Variants in NELL1 observed in about 807,000 individuals in gnomAD.
NELL1 encodes the protein protein kinase C-binding protein NELL1.
Under a neutral mutation model 107.4 loss-of-function variants are expected in NELL1, and 76 were observed. The ratio of observed to expected loss-of-function variants is 0.71; its 90% confidence interval spans 0.59 to 0.86. The LOEUF (loss-of-function observed/expected upper bound fraction) is 0.86, where lower values mean the gene tolerates loss of function less well. Ranked by LOEUF, NELL1 falls within the 40% of genes least tolerant of loss-of-function variation. The pLI is 0.00. For missense variants in NELL1, 1,024 were observed against 1,005.5 expected, an observed-to-expected ratio of 1.02 and a Z score of -0.25; for synonymous variants, 353 against 341.2, an observed-to-expected ratio of 1.03 and a Z score of -0.38.
At chr11:20,867,842 G>C (rs182857472) in intron 4 of NELL1, among the ~76,000 whole-genome samples, 1 of 152,194 alleles carries the variant, frequency 6.6e-6, no homozygotes, top group South Asian at 2.1e-4. Context: ...AATATTCGTT[G>C]GTTGCTTGGC....
chr11:21,485,431 TGCA>T (rs1310455755), intron 15 of NELL1, among the ~76,000 whole-genome samples: 1 of 150,242 alleles, frequency 6.7e-6, no homozygotes, highest in Non-Finnish European at 1.5e-5. Context: ...CCTCCAATCC[TGCA>T]CCAGTCCAAG....
At chr11:21,183,409 G>A (rs559006127) in intron 13 of NELL1, among the ~76,000 whole-genome samples, 1 of 151,914 alleles carries the variant, frequency 6.6e-6, no homozygotes, top group African/African-American at 2.4e-5. Flanking sequence ...TCTATTCATA[G>A]GGTCAGCTGA....
intron 3 of NELL1, among the ~76,000 whole-genome samples, chr11:20,809,604 T>C (rs781545076): frequency 7.2e-5 from 11 of 152,206 alleles, no homozygotes; most frequent in Non-Finnish European, 1.2e-4. Flanking sequence ...AGATTCTACA[T>C]GTAAGTGAGA....
At chr11:20,834,574 G>A (rs1025838227) in intron 3 of NELL1, among the ~76,000 whole-genome samples, 28 of 151,984 alleles carry the variant, frequency 1.8e-4, no homozygotes, top group African/African-American at 6.8e-4. Flanking sequence ...GTGGTGGCGG[G>A]CACCTGTAGT....
intron 15 of NELL1, among the ~76,000 whole-genome samples, chr11:21,479,980 G>A (rs1381109881): frequency 1.3e-5 from 2 of 152,010 alleles, no homozygotes; most frequent in Non-Finnish European, 2.9e-5. Context: ...CTGTGACTCT[G>A]CTCTACTTTC....
intron 15 of NELL1, among the ~76,000 whole-genome samples, chr11:21,468,857 C>G (rs1170401842): frequency 6.6e-6 from 1 of 151,972 alleles, no homozygotes; most frequent in Non-Finnish European, 1.5e-5. Flanking sequence ...AGTAGACAGG[C>G]CACACTTAAG....
At chr11:21,462,734 AG>A in intron 15 of NELL1, among the ~76,000 whole-genome samples, 1 of 152,158 alleles carries the variant, frequency 6.6e-6, no homozygotes, top group African/African-American at 2.4e-5. Flanking sequence ...CTGAGAGTCA[AG>A]GAGGTCTATT....
intron 12 of NELL1, among the ~76,000 whole-genome samples, chr11:21,105,386 C>G (rs1395852094): frequency 6.6e-6 from 1 of 152,130 alleles, no homozygotes; most frequent in Non-Finnish European, 1.5e-5. Flanking sequence ...CTGGTTGAAC[C>G]AGATGTGGTG....
intron 15 of NELL1, among the ~76,000 whole-genome samples, chr11:21,524,316 G>A (rs959213474): frequency 6.6e-6 from 1 of 152,134 alleles, no homozygotes; most frequent in Non-Finnish European, 1.5e-5. Flanking sequence ...TAAAGCACTT[G>A]TCAGAGAACC....
intron 16 of NELL1, among the ~76,000 whole-genome samples, chr11:21,558,783 G>A (rs1331770679): frequency 6.6e-6 from 1 of 151,982 alleles, no homozygotes; most frequent in Non-Finnish European, 1.5e-5. Flanking sequence ...GTAAGAGCTT[G>A]GTTTCAAACA....
chr11:21,503,873 A>G (rs1475152344), intron 15 of NELL1, among the ~76,000 whole-genome samples: 4 of 151,930 alleles, frequency 2.6e-5, no homozygotes, highest in African/African-American at 9.7e-5. Context: ...TTTTAAATAC[A>G]GTAATTGATC....
chr11:21,443,390 G>A (rs1440009642), intron 15 of NELL1, among the ~76,000 whole-genome samples: 3 of 152,012 alleles, frequency 2.0e-5, no homozygotes, highest in Non-Finnish European at 2.9e-5. Flanking sequence ...CACTTTCTTT[G>A]TGTGCACTGA....
In NELL1 at chr11:20,918,083, T is replaced by G. The variant is rs1045603348; in HGVS notation, c.604-99T>G. The stretch of plus-strand genomic sequence containing the variant: ...CACCCTTTGAATGAATCAATTTTGT[T>G]GAAAAATAATCTGACCTGCCAAGAG... On this transcript the variant is annotated intron_variant, in intron 5 of 19. Transcript: ENST00000357134. 3 of 751,056 alleles carry G rather than the reference T, an allele frequency of 4.0e-6. No homozygotes were observed. In the African/African-American group the frequency reaches 5.2e-5, roughly 13 times the overall value. 46.5% of individuals were successfully genotyped at this position (751,056 alleles called of 1,614,324 possible). A position where few individuals can be genotyped will look rare whatever the true frequency, so the allele number is the denominator to read the frequency against.
chr11:21,302,113 T>G (rs1849504363), intron 14 of NELL1, among the ~76,000 whole-genome samples: 1 of 152,058 alleles, frequency 6.6e-6, no homozygotes, highest in Admixed American at 6.6e-5. Flanking sequence ...GTGTTGTGGC[T>G]TTAAACAACA....
intron 13 of NELL1, 125 bp downstream of exon 13, chr11:21,113,839 C>T (rs1855164612): frequency 2.2e-6 from 2 of 923,982 alleles, no homozygotes; most frequent in South Asian, 2.2e-5. Context: ...CTCTTTATTA[C>T]TTCACCCCAC....
intron 14 of NELL1, among the ~76,000 whole-genome samples, chr11:21,272,995 C>T (rs967606687): frequency 3.9e-5 from 6 of 152,162 alleles, no homozygotes; most frequent in Non-Finnish European, 8.8e-5. Context: ...AAGTAGAGCA[C>T]CTCTTCTCCT....
intron 10 of NELL1, among the ~76,000 whole-genome samples, 161 bp downstream of exon 10, chr11:20,938,020 C>G (rs1850764361): frequency 6.6e-6 from 1 of 152,108 alleles, no homozygotes; most frequent in Admixed American, 6.5e-5. Flanking sequence ...AGGATCCAGC[C>G]AGGCCATTTA....
chr11:20,964,115 T>C (rs1319554630), intron 12 of NELL1, among the ~76,000 whole-genome samples: 1 of 152,204 alleles, frequency 6.6e-6, no homozygotes, highest in Non-Finnish European at 1.5e-5. Flanking sequence ...ATTCTCCATT[T>C]TGAAAACTGC....
At chr11:21,437,288 A>G (rs534972095) in intron 15 of NELL1, among the ~76,000 whole-genome samples, 1 of 152,204 alleles carries the variant, frequency 6.6e-6, no homozygotes, top group Non-Finnish European at 1.5e-5. Flanking sequence ...ATTTATCTGC[A>G]TACTCCATTC....
Sources: gnomAD v4.1 joint callset for allele counts (sites outside exome capture counted in the v4.1 genomes callset) on GRCh38, gnomAD v4.1.1 for gene constraint, MANE v1.5 for transcripts, NCBI Gene and HGNC (gene_info 2026-07-23, HGNC 2026-07-21) for gene names.